The following SLC24A3 variants were observed in gnomAD, a reference collection of about 807,000 sequenced individuals.
SLC24A3 encodes solute carrier family 24 member 3.
Under a neutral mutation model 75.8 loss-of-function variants are expected in SLC24A3, and 28 were observed. That is an observed-to-expected ratio of 0.37 (90% CI 0.27 to 0.51). The LOEUF (loss-of-function observed/expected upper bound fraction) is 0.51. Among genes scored for constraint, SLC24A3 ranks in the 20% least tolerant of loss-of-function variants. The pLI is 0.94. For missense variants in SLC24A3, 663 were observed against 847.8 expected (o/e 0.78, Z 2.71); for synonymous variants, 372 against 334.1 (o/e 1.11, Z -1.24).
At chr20:19,485,533 C>T (rs139417640) in intron 2 of SLC24A3, among the ~76,000 whole-genome samples, 284 of 152,284 alleles carry the variant, frequency 1.9e-3, no homozygotes, top group Admixed American at 4.4e-3. Context: ...AGGAGTTGGG[C>T]GACTGGGGAC....
At chr20:19,564,180 G>T (rs1040250910) in intron 3 of SLC24A3, among the ~76,000 whole-genome samples, 56 of 152,286 alleles carry the variant, frequency 3.7e-4, no homozygotes, top group African/African-American at 1.3e-3. Context: ...GGGTTTAGAG[G>T]AGTAGTAGGG....
Position 19,546,179 on chromosome 20 carries a change from A to AAAAAAAAAAAAAAAAAAAAAAAC in SLC24A3, c.348+30624_348+30625insAAAAAAAAAAAAACAAAAAAAAA, listed in dbSNP as rs765227499. Among the ~76,000 whole-genome samples, 44 of 147,570 alleles carry AAAAAAAAAAAAAAAAAAAAAAAC rather than the reference A, an allele frequency of 3.0e-4. 2 individuals are homozygous for AAAAAAAAAAAAAAAAAAAAAAAC. The highest frequency in any genetic ancestry group is 6.1e-4 in the Non-Finnish European group (40 of 65,576). On this transcript the variant is annotated intron_variant, in intron 3 of 16. Coordinates refer to ENST00000328041, the MANE Select transcript of SLC24A3 (RefSeq NM_020689.4). ...GTCTCAAAAAAAAAAAAAAAAAAAA[A>AAAAAAAAAAAAAAAAAAAAAAAC]AAAAAAAAACCAGGTAATCGACCTG...
At chr20:19,342,931 G>A (rs564858054) in intron 2 of SLC24A3, among the ~76,000 whole-genome samples, 2 of 151,880 alleles carry the variant, frequency 1.3e-5, no homozygotes, top group Non-Finnish European at 2.9e-5. Context: ...TTAGCTGGGC[G>A]TGGTGGCAGG....
chr20:19,392,219 AC>A (rs1313532193), intron 2 of SLC24A3, among the ~76,000 whole-genome samples: 2 of 152,188 alleles, frequency 1.3e-5, no homozygotes, highest in Non-Finnish European at 2.9e-5. Flanking sequence ...TAAACAAACA[AC>A]AGTTACATCT....
intron 2 of SLC24A3, among the ~76,000 whole-genome samples, chr20:19,286,496 G>A (rs777967763): frequency 6.6e-6 from 1 of 152,096 alleles, no homozygotes; most frequent in Non-Finnish European, 1.5e-5. Flanking sequence ...GACATGACCA[G>A]TCTACAAAGC....
chr20:19,216,267 T>G (rs1286603488), intron 1 of SLC24A3, among the ~76,000 whole-genome samples: 11 of 147,948 alleles, frequency 7.4e-5, no homozygotes, highest in Non-Finnish European at 1.6e-4. Context: ...AAGTGTTATA[T>G]TTTTCTTTGA....
Position 19,678,348 on chromosome 20 carries a change from C to A in SLC24A3, c.768-3510C>A, listed in dbSNP as rs1476924702. Among the ~76,000 whole-genome samples, 3 of 121,576 alleles carry A rather than the reference C, an allele frequency of 2.5e-5. 1 individual carries two copies. Among genetic ancestry groups the A allele is most frequent in the Non-Finnish European group, 5.3e-5 (3 of 56,250 alleles). The allele number at this position is 121,576 out of a possible 152,430, so 79.8% of individuals were successfully genotyped here. A position where few individuals can be genotyped will look rare whatever the true frequency, so the allele number is the denominator to read the frequency against. Reference sequence around the variant, plus strand: ...GGCCGGGCGGGGGGCTGACCCCCCCCACCTCCCTCCCGGACGGGGCGGCTG... The same window carrying A: ...GGCCGGGCGGGGGGCTGACCCCCCCAACCTCCCTCCCGGACGGGGCGGCTG... On this transcript the variant is annotated intron_variant, in intron 9 of 16. Transcript: ENST00000328041.
intron 4 of SLC24A3, among the ~76,000 whole-genome samples, 187 bp downstream of exon 4, chr20:19,580,261 G>A (rs1409111553): frequency 1.3e-5 from 2 of 152,092 alleles, no homozygotes; most frequent in Non-Finnish European, 2.9e-5. Context: ...GGTCTACTGA[G>A]CATTTCATGA....
intron 2 of SLC24A3, among the ~76,000 whole-genome samples, chr20:19,436,601 A>T (rs1422292898): frequency 6.6e-6 from 1 of 152,162 alleles, no homozygotes. Flanking sequence ...TCATCATATC[A>T]GTCTTACTCT....
chr20:19,252,780 C>T (rs1236341128), intron 1 of SLC24A3, among the ~76,000 whole-genome samples: 1 of 152,114 alleles, frequency 6.6e-6, no homozygotes, highest in African/African-American at 2.4e-5. Flanking sequence ...CTCAACAACT[C>T]CCATGATATA....
chr20:19,506,966 T>C (rs1988470872), intron 2 of SLC24A3, among the ~76,000 whole-genome samples: 1 of 152,228 alleles, frequency 6.6e-6, no homozygotes, highest in Admixed American at 6.5e-5. Context: ...GCACCTCCTG[T>C]TGCCAGATGC....
intron 2 of SLC24A3, among the ~76,000 whole-genome samples, chr20:19,460,103 G>A (rs1987644012): frequency 6.6e-6 from 1 of 152,180 alleles, no homozygotes; most frequent in African/African-American, 2.4e-5. Context: ...AATTTAGGGA[G>A]GCACCTGCTC....
chr20:19,421,555 C>T (rs1986918380), intron 2 of SLC24A3, among the ~76,000 whole-genome samples: 1 of 152,150 alleles, frequency 6.6e-6, no homozygotes, highest in South Asian at 2.1e-4. Flanking sequence ...AGACAGGAAG[C>T]AAGGTAAGCA....
rs143949512 is a variant in SLC24A3 at position 19,672,468 on chromosome 20, C to T, written c.714-1133C>T. ...TCCCGCCTCAGCCTCCCCATGTAGCCGAGACTCCAGGGGCACACCACCATA... is the reference window on the plus strand; with the variant it reads ...TCCCGCCTCAGCCTCCCCATGTAGCTGAGACTCCAGGGGCACACCACCATA... On this transcript the variant is annotated intron_variant, in intron 8 of 16. Coordinates refer to ENST00000328041, the MANE Select transcript of SLC24A3 (RefSeq NM_020689.4). Among the ~76,000 whole-genome samples the T allele has an allele frequency of 3.8e-3, 577 of 152,052 alleles. 5 individuals are homozygous for T. The highest frequency in any genetic ancestry group is 0.013 in the African/African-American group (532 of 41,460).
intron 1 of SLC24A3, among the ~76,000 whole-genome samples, chr20:19,251,964 C>G (rs1356141324): frequency 1.3e-5 from 2 of 152,124 alleles, no homozygotes; most frequent in Non-Finnish European, 2.9e-5. Context: ...TTTAGAAAAT[C>G]ACTGAGATTC....
At chr20:19,639,479 G>C (rs1471820734) in intron 6 of SLC24A3, among the ~76,000 whole-genome samples, 1 of 152,264 alleles carries the variant, frequency 6.6e-6, no homozygotes, top group East Asian at 1.9e-4. Context: ...GCTAGATACA[G>C]AGTGCCCATT....
chr20:19,680,062 CTGTGTGTCTGTG>C (rs896802596), intron 9 of SLC24A3, among the ~76,000 whole-genome samples: 26 of 147,252 alleles, frequency 1.8e-4, no homozygotes, highest in African/African-American at 6.6e-4. Context: ...TGTCTGTGTG[CTGTGTGTCTGTG>C]TGTGTGTCTG....
intron 2 of SLC24A3, among the ~76,000 whole-genome samples, chr20:19,376,120 C>T (rs1293636403): frequency 6.6e-6 from 1 of 152,002 alleles, no homozygotes; most frequent in African/African-American, 2.4e-5. Flanking sequence ...TGGGGGTACA[C>T]ACTGAAAGAA....
At chr20:19,682,985 G>C (rs1011366748) in intron 10 of SLC24A3, among the ~76,000 whole-genome samples, 4 of 151,880 alleles carry the variant, frequency 2.6e-5, no homozygotes, top group Non-Finnish European at 5.9e-5. Flanking sequence ...CTTTTCTCTT[G>C]AAATATGGGA....
Sources: gnomAD v4.1 joint callset for allele counts (sites outside exome capture counted in the v4.1 genomes callset) on GRCh38, gnomAD v4.1.1 for gene constraint, MANE v1.5 for transcripts, NCBI Gene and HGNC (gene_info 2026-07-23, HGNC 2026-07-21) for gene names.